Variants in PIAS4 observed in about 807,000 individuals in gnomAD.
PIAS4 encodes the protein E3 SUMO-protein ligase PIAS4.
A neutral mutation model predicts 58.0 loss-of-function variants in PIAS4; 7 were observed. The observed-to-expected ratio is 0.12, with a 90% CI of 0.07 to 0.23. The LOEUF is 0.23. Ranked by LOEUF, PIAS4 falls within the 10% of genes least tolerant of loss-of-function variation. PIAS4 has a pLI of 1.00. For synonymous variants in PIAS4, 364 were observed against 312.4 expected (o/e 1.17, Z -1.74); for missense variants, 550 against 709.5 (o/e 0.78, Z 2.55).
chr19:4,037,314 T>C lies in PIAS4; in HGVS notation c.1143-60T>C. 1.0e-6 allele frequency: 1 copy of C among 994,972 alleles called. No homozygotes were observed. The highest frequency in any genetic ancestry group is 1.4e-6 in the Non-Finnish European group (1 of 731,808). The allele number at this position is 994,972 out of a possible 1,614,324, so 61.6% of individuals were successfully genotyped here. On this transcript the variant is annotated intron_variant, in intron 9 of 10. Transcript: ENST00000262971. The surrounding 1 kb of genome is among the most constrained non-coding windows in gnomAD (Gnocchi z 5.8). ...GCTGCATCCGGGAGGGATGGAGGGC[T>C]GGGGAGTTGGGGGGGTGGGGCACCT... is the stretch of plus-strand genomic sequence containing the variant.
Position 4,039,351 on chromosome 19 carries a change from T to TA in PIAS4, c.*1482dup. On this transcript the variant is annotated 3_prime_UTR_variant, in exon 11 of 11. Transcript: ENST00000262971. ...ATTTGTATTCTAATTTAATTGTTTT[T>TA]AAAAAATGCAAATAAAAAAGGTCGA... 6.6e-6 allele frequency: 1 copy of TA among 152,248 alleles called. No individual in the cohort carries two copies. Among genetic ancestry groups the TA allele is most frequent in the East Asian group, 1.9e-4 (1 of 5,198 alleles). The allele number at this position is 152,248 out of a possible 1,614,324, so 9.4% of individuals were successfully genotyped here.
In PIAS4 at chr19:4,038,033, C is replaced by T. The variant is rs2040320436; in HGVS notation, c.*158C>T. 3 of 672,234 alleles carry T rather than the reference C, an allele frequency of 4.5e-6. No individual in the cohort carries two copies. The highest frequency in any genetic ancestry group is 2.5e-6 in the Non-Finnish European group (1 of 406,640). 41.6% of individuals were successfully genotyped at this position (672,234 alleles called of 1,614,324 possible). A position where few individuals can be genotyped will look rare whatever the true frequency, so the allele number is the denominator to read the frequency against. ...GGCTCCTGGCACCTGTACCTCTGGA[C>T]TCTCCTATCGGGGGATTAAAAAAAA... On this transcript the variant is annotated 3_prime_UTR_variant, in exon 11 of 11. Coordinates refer to ENST00000262971, the MANE Select transcript of PIAS4 (RefSeq NM_015897.4). This position sits in a 1 kb window ranked among gnomAD's most constrained non-coding sequence, Gnocchi z 4.1.
chr19:4,013,778 C>T lies in PIAS4; in HGVS notation c.454+429C>T, dbSNP rs1016797636. Among the ~76,000 whole-genome samples, 4 of 152,184 alleles carry T rather than the reference C, an allele frequency of 2.6e-5. No homozygotes were observed. The highest frequency in any genetic ancestry group is 2.0e-4 in the Admixed American group (3 of 15,282). On this transcript the variant is annotated intron_variant, in intron 2 of 10. Transcript: ENST00000262971. The surrounding 1 kb of genome is among the most constrained non-coding windows in gnomAD (Gnocchi z 5.1). ...CCACAGTCCCCAGGTCCTCATGGTGCGGACTCCTGCACGGATTGCCTGGGC... is the reference window on the plus strand; with the variant it reads ...CCACAGTCCCCAGGTCCTCATGGTGTGGACTCCTGCACGGATTGCCTGGGC...
At position 4,013,382 on chromosome 19, in the gene PIAS4, A is replaced by G; in HGVS notation, c.454+33A>G. On this transcript the variant is annotated intron_variant, in intron 2 of 10. Coordinates refer to ENST00000262971, the MANE Select transcript of PIAS4 (RefSeq NM_015897.4). This position sits in a 1 kb window ranked among gnomAD's most constrained non-coding sequence, Gnocchi z 5.1. ...GTCACCCTGGGGAGGCTGCGACTGG[A>G]GGCTTCACCTAGGCCCCGTCGCCCA... 2 of 1,576,174 alleles carry G rather than the reference A, an allele frequency of 1.3e-6. No homozygotes were observed. Among genetic ancestry groups the G allele is most frequent in the Non-Finnish European group, 1.7e-6 (2 of 1,153,294 alleles).
chr19:4,035,389 C>G (rs1286553533), intron 9 of PIAS4, among the ~76,000 whole-genome samples: 1 of 152,130 alleles, frequency 6.6e-6, no homozygotes, highest in Non-Finnish European at 1.5e-5. Flanking sequence ...GAGACTGAGG[C>G]CCTTTGGCTA....
intron 7 of PIAS4, among the ~76,000 whole-genome samples, chr19:4,031,437 A>C (rs2040221721): frequency 6.6e-6 from 1 of 152,130 alleles, no homozygotes; most frequent in African/African-American, 2.4e-5. Flanking sequence ...TACCCGTGTG[A>C]CCAGTGGGGA....
chr19:4,009,913 G>A (rs1401314633), intron 1 of PIAS4, among the ~76,000 whole-genome samples: 1 of 152,140 alleles, frequency 6.6e-6, no homozygotes, highest in African/African-American at 2.4e-5. Context: ...ATAGTCCACA[G>A]CGTTTCGCAC....
chr19:4,035,589 C>G (rs775606504), intron 9 of PIAS4, among the ~76,000 whole-genome samples: 51 of 152,114 alleles, frequency 3.4e-4, no homozygotes, highest in Non-Finnish European at 6.8e-4. Flanking sequence ...GGAGCCCGCA[C>G]TCTGCTCCCA....
rs774566919 is a variant in PIAS4 at position 4,033,491 on chromosome 19, C to A, written c.1053C>A (p.Val351=). The change falls in exon 9 of 11, where the codon GTC becomes GTA. Residue 351 remains valine (V), a synonymous_variant. Transcript: ENST00000262971. ...TCAHLQCFDA[V]FYLQMNEKKP... ...CCCACCTGCAGTGCTTCGACGCCGT[C>A]TTCTACCTGCAGATGAACGAGAAGA... 1.9e-6 allele frequency: 3 copies of A among 1,591,962 alleles called. No individual in the cohort carries two copies. The highest frequency in any genetic ancestry group is 2.6e-6 in the Non-Finnish European group (3 of 1,170,502).
intron 8 of PIAS4, 98 bp downstream of exon 8, chr19:4,033,271 CTGCGGGGG>C: frequency 7.2e-7 from 1 of 1,384,990 alleles, no homozygotes; most frequent in Non-Finnish European, 1.0e-6. Flanking sequence ...GGCCGTGAGC[CTGCGGGGG>C]CGAGGCTGGT....
chr19:4,033,132 G>C lies in PIAS4; in HGVS notation c.940G>C (p.Glu314Gln). The C allele has an allele frequency of 6.2e-7, 1 of 1,611,620 alleles. No individual in the cohort carries two copies. Among genetic ancestry groups the C allele is most frequent in the Non-Finnish European group, 8.5e-7 (1 of 1,179,822 alleles). The change falls in exon 8 of 11, where the codon GAG (glutamate) becomes CAG (glutamine). Residue 314 changes from glutamate (E) to glutamine (Q), a missense_variant. This residue lies in a region of PIAS4 where 225 missense variants were observed against 345.8 expected (regional missense o/e 0.65). Transcript: ENST00000262971. ...GAAGCTGCGCCTTGATCCTGACAGC[G>C]AGATCGCCACCACCGGTGTGCGGGT... ...KEKLRLDPDSEIATTGVRVSL... is the reference protein window; with the variant it reads ...KEKLRLDPDSQIATTGVRVSL...
intron 2 of PIAS4, among the ~76,000 whole-genome samples, chr19:4,016,950 T>G (rs2040058834): frequency 6.6e-6 from 1 of 152,086 alleles, no homozygotes; most frequent in South Asian, 2.1e-4. Flanking sequence ...GAGGTTCTGG[T>G]ATGATTTTTG....
At chr19:4,016,520 C>G (rs1268981280) in intron 2 of PIAS4, among the ~76,000 whole-genome samples, 3 of 152,228 alleles carry the variant, frequency 2.0e-5, no homozygotes, top group Non-Finnish European at 2.9e-5. Flanking sequence ...TAGCGTGGTC[C>G]CTGCTCAGGT....
chr19:4,018,459 G>T (rs1023729832), intron 2 of PIAS4: 1 of 152,188 alleles, frequency 6.6e-6, no homozygotes, highest in African/African-American at 2.4e-5. Flanking sequence ...CTCGGATCGG[G>T]CCCAGGGGCT....
rs898097379 is a variant in PIAS4 at position 4,012,836 on chromosome 19, C to T, written c.28-87C>T. On this transcript the variant is annotated intron_variant, in intron 1 of 10. Transcript: ENST00000262971. The stretch of plus-strand genomic sequence containing the variant: ...CTTCCTGGCGAGTGGGTGTCTTTCA[C>T]GGCCCCCACATCGGGGCCTGGCCTC... 439 of 1,387,792 alleles carry T rather than the reference C, an allele frequency of 3.2e-4. 3 individuals are homozygous for T. The highest frequency in any genetic ancestry group is 8.8e-5 in the Admixed American group (4 of 45,486). 86.0% of individuals were successfully genotyped at this position (1,387,792 alleles called of 1,614,324 possible).
At position 4,037,031 on chromosome 19, in the gene PIAS4, G is replaced by A. The variant is rs947607699; in HGVS notation, c.1143-343G>A. ...CACGTCCACACACGCTCAAACATGC[G>A]TGCACACCCGGAGGTGCCCAGAGGG... On this transcript the variant is annotated intron_variant, in intron 9 of 10. Transcript: ENST00000262971. This position sits in a 1 kb window ranked among gnomAD's most constrained non-coding sequence, Gnocchi z 5.8. Among the ~76,000 whole-genome samples the A allele has an allele frequency of 1.3e-5, 2 of 151,706 alleles. No individual in the cohort carries two copies. Among genetic ancestry groups the A allele is most frequent in the South Asian group, 4.1e-4 (2 of 4,826 alleles).
intron 2 of PIAS4, among the ~76,000 whole-genome samples, chr19:4,022,837 ATT>A (rs535618072): frequency 8.0e-5 from 11 of 137,380 alleles, no homozygotes; most frequent in Middle Eastern, 3.8e-3. Context: ...AGGCCTGGCT[ATT>A]TTTTTTTTTT....
rs761720678 is a variant in PIAS4 at position 4,028,642 on chromosome 19, G to A, written c.672+42G>A. Reference sequence around the variant, plus strand: ...CCCGCGTCGGCTGCACGGGTTTGGGGGGCGTGGAGGGAGGGTGGGGGCCGT... The same window carrying A: ...CCCGCGTCGGCTGCACGGGTTTGGGAGGCGTGGAGGGAGGGTGGGGGCCGT... On this transcript the variant is annotated intron_variant, in intron 5 of 10. Coordinates refer to ENST00000262971, the MANE Select transcript of PIAS4 (RefSeq NM_015897.4). 5 of 1,607,812 alleles carry A rather than the reference G, an allele frequency of 3.1e-6. No homozygotes were observed. In the South Asian group the frequency reaches 4.4e-5, roughly 14 times the overall value.
At chr19:4,008,794 GC>G (rs1379195735) in intron 1 of PIAS4, among the ~76,000 whole-genome samples, 2 of 150,372 alleles carry the variant, frequency 1.3e-5, no homozygotes, top group East Asian at 3.9e-4. Flanking sequence ...CCCCTACACA[GC>G]CCCCAGAACT....
Sources: allele counts gnomAD v4.1 joint callset (sites outside exome capture counted in the v4.1 genomes callset), GRCh38; gene constraint gnomAD v4.1.1; regional missense constraint gnomAD v4.1.1; non-coding constraint Gnocchi (gnomAD v3.1); transcripts MANE v1.5; gene names NCBI Gene and HGNC (gene_info 2026-07-23, HGNC 2026-07-21).